Variants in NXN observed in about 807,000 individuals in gnomAD.
NXN encodes the protein nucleoredoxin 1.
NXN carries 16 observed loss-of-function variants against 48.6 expected under a neutral mutation model. That is an observed-to-expected ratio of 0.33 (90% CI 0.22 to 0.50). The LOEUF is 0.50. Ranked by LOEUF, NXN falls within the 20% of genes least tolerant of loss-of-function variation. NXN has a pLI of 0.98. For synonymous variants in NXN, 281 were observed against 269.6 expected, an observed-to-expected ratio of 1.04 and a Z score of -0.41; for missense variants, 492 against 605.5, an observed-to-expected ratio of 0.81 and a Z score of 1.97.
At chr17:866,592 G>C (rs1295304430) in intron 1 of NXN, among the ~76,000 whole-genome samples, 1 of 152,110 alleles carries the variant, frequency 6.6e-6, no homozygotes, top group Non-Finnish European at 1.5e-5. Flanking sequence ...TGAACCTTAA[G>C]AGAGAGGATA....
chr17:835,176 C>T (rs536295845), intron 1 of NXN, among the ~76,000 whole-genome samples: 30 of 151,572 alleles, frequency 2.0e-4, no homozygotes, highest in South Asian at 1.9e-3. Context: ...GGTGTGGTGA[C>T]GGGTGCCTGT....
At position 808,393 on chromosome 17, in the gene NXN, C is replaced by T. The variant is rs144932668; in HGVS notation, c.821-3146G>A. 8.4e-3 allele frequency among the ~76,000 whole-genome samples: 1,282 copies of T among 151,908 alleles called. 6 individuals are homozygous for T. Among genetic ancestry groups the T allele is most frequent in the Non-Finnish European group, 0.012 (806 of 67,972 alleles). On this transcript the variant is annotated intron_variant, in intron 5 of 7. Coordinates refer to ENST00000336868, the MANE Select transcript of NXN (RefSeq NM_022463.5). Reference sequence around the variant, plus strand: ...TCTCGGCTCACTGCAAGCTCCACCTCCCGGGTTCAAGCGATTCTCCTGCCT... The same window carrying T: ...TCTCGGCTCACTGCAAGCTCCACCTTCCGGGTTCAAGCGATTCTCCTGCCT...
chr17:841,583 CGCCGGCGAGCAGGTCCCCCCG>C (rs1567827980), intron 1 of NXN, among the ~76,000 whole-genome samples: 5 of 73,966 alleles, frequency 6.8e-5, no homozygotes, highest in East Asian at 6.9e-4. Flanking sequence ...GAGCATCTCA[CGCCGGCGAGCAGGTCCCCCCG>C]ACCACAGAGC....
chr17:883,545 C>T (rs2068308593), intron 1 of NXN, among the ~76,000 whole-genome samples: 1 of 152,258 alleles, frequency 6.6e-6, no homozygotes, highest in South Asian at 2.1e-4. Flanking sequence ...GAAGCCAAAG[C>T]TCCTCCCAAG....
intron 1 of NXN, among the ~76,000 whole-genome samples, chr17:870,023 C>T (rs1324652349): frequency 2.0e-5 from 3 of 152,150 alleles, no homozygotes; most frequent in Non-Finnish European, 4.4e-5. Flanking sequence ...TGCCTGGGAA[C>T]GTTCCTGGCT....
intron 1 of NXN, among the ~76,000 whole-genome samples, chr17:977,088 C>A (rs796314513): frequency 6.6e-6 from 1 of 152,058 alleles, no homozygotes; most frequent in African/African-American, 2.4e-5. Context: ...AAAATCAGCA[C>A]GTAGCTTTTG....
Position 849,798 on chromosome 17 carries a change from G to A in NXN, c.361-23720C>T, listed in dbSNP as rs1279795179. On this transcript the variant is annotated intron_variant, in intron 1 of 7. Coordinates refer to ENST00000336868, the MANE Select transcript of NXN (RefSeq NM_022463.5). The surrounding 1 kb of genome is among the most constrained non-coding windows in gnomAD (Gnocchi z 4.2). ...GTCAAGGGCAGGCAGGGGTCGCCTT[G>A]CTGGGCCAGGGACAGCAGAGAGAAA... 6.6e-6 allele frequency among the ~76,000 whole-genome samples: 1 copy of A among 152,194 alleles called. No homozygotes were observed. Among genetic ancestry groups the A allele is most frequent in the African/African-American group, 2.4e-5 (1 of 41,442 alleles).
At chr17:945,290 C>G (rs2069029812) in intron 1 of NXN, among the ~76,000 whole-genome samples, 1 of 151,708 alleles carries the variant, frequency 6.6e-6, no homozygotes, top group Non-Finnish European at 1.5e-5. Flanking sequence ...CCATGTTGGC[C>G]AGGCTGGTCT....
intron 1 of NXN, among the ~76,000 whole-genome samples, chr17:827,085 G>A (rs146636717): frequency 0.019 from 2,936 of 152,306 alleles, 93 homozygotes; most frequent in African/African-American, 0.063. Context: ...GGCCGGGCAC[G>A]GTGGCTCACA....
intron 1 of NXN, among the ~76,000 whole-genome samples, chr17:940,862 G>C (rs1474818550): frequency 4.0e-5 from 6 of 150,514 alleles, no homozygotes; most frequent in Admixed American, 6.6e-5. Context: ...CAAGATTCCA[G>C]GGTGCAGCCA....
At chr17:861,760 T>C (rs964204746) in intron 1 of NXN, among the ~76,000 whole-genome samples, 2 of 152,014 alleles carry the variant, frequency 1.3e-5, no homozygotes, top group African/African-American at 2.4e-5. Flanking sequence ...GCAATAGATT[T>C]TTTTTTTTTT....
rs2068698263 is a variant in NXN at position 917,276 on chromosome 17, G to A, written c.360+62043C>T. Among the ~76,000 whole-genome samples the A allele has an allele frequency of 1.3e-5, 2 of 152,306 alleles. No individual in the cohort carries two copies. The highest frequency in any genetic ancestry group is 6.8e-3 in the Middle Eastern group (2 of 294). ...CCTGCCTCAGCCTCCCGAGCAGCTG[G>A]GACTACAGGCGCCCGCCACCATGCC... On this transcript the variant is annotated intron_variant, in intron 1 of 7. Transcript: ENST00000336868. This position sits in a 1 kb window ranked among gnomAD's most constrained non-coding sequence, Gnocchi z 4.5.
intron 5 of NXN, among the ~76,000 whole-genome samples, chr17:807,405 A>G (rs766125327): frequency 3.3e-5 from 5 of 152,226 alleles, no homozygotes; most frequent in African/African-American, 7.2e-5. Flanking sequence ...AGAGGCAGGC[A>G]CGGGGGACGG....
At chr17:969,570 C>T (rs191258569) in intron 1 of NXN, among the ~76,000 whole-genome samples, 3 of 152,280 alleles carry the variant, frequency 2.0e-5, no homozygotes, top group Admixed American at 6.5e-5. Flanking sequence ...CCCTATTGCA[C>T]GTGGTCCCGC....
At chr17:836,868 T>C (rs922493765) in intron 1 of NXN, among the ~76,000 whole-genome samples, 1 of 152,140 alleles carries the variant, frequency 6.6e-6, no homozygotes, top group African/African-American at 2.4e-5. Flanking sequence ...CATGGCTCAC[T>C]GCAGCCTCCA....
rs1294358518 is a variant in NXN, at chr17:819,521, G to A, written c.738C>T (p.Tyr246=). The A allele has an allele frequency of 1.2e-6, 2 of 1,610,880 alleles. No individual in the cohort carries two copies. The highest frequency in any genetic ancestry group is 1.7e-6 in the Non-Finnish European group (2 of 1,178,012). The change falls in exon 5 of 8, where the codon TAC becomes TAT. Residue 246 remains tyrosine (Y), a synonymous_variant. Transcript: ENST00000336868. ...CGGCGAGCCAGGGCATCTCACTGAA[G>A]TACTGTTTGAAGGACTCCTCCGACC... The part of the protein sequence containing the change: ...ADRSEESFKQ[Y]FSEMPWLAVP...
intron 1 of NXN, among the ~76,000 whole-genome samples, chr17:972,419 G>T (rs1292878807): frequency 6.6e-6 from 1 of 152,136 alleles, no homozygotes; most frequent in Non-Finnish European, 1.5e-5. Context: ...GGAGGTTGCA[G>T]TGAGCCGAGA....
intron 1 of NXN, among the ~76,000 whole-genome samples, chr17:827,132 T>C (rs1202374030): frequency 6.6e-6 from 1 of 151,424 alleles, no homozygotes; most frequent in Non-Finnish European, 1.5e-5. Context: ...TCACCTGAGG[T>C]CAGGAGTTCA....
chr17:843,478 C>T (rs1449225859), intron 1 of NXN, among the ~76,000 whole-genome samples: 1 of 152,230 alleles, frequency 6.6e-6, no homozygotes, highest in Non-Finnish European at 1.5e-5. Context: ...TTTCCTAAAG[C>T]CCCATCTGGT....
Sources: allele counts gnomAD v4.1 joint callset (sites outside exome capture counted in the v4.1 genomes callset), GRCh38; gene constraint gnomAD v4.1.1; non-coding constraint Gnocchi (gnomAD v3.1); transcripts MANE v1.5; gene names NCBI Gene and HGNC (gene_info 2026-07-23, HGNC 2026-07-21).